Variants in DCDC2 observed in about 807,000 individuals in gnomAD.
DCDC2 encodes the protein doublecortin domain containing 2, also known as doublecortin domain-containing protein 2.
A neutral mutation model predicts 50.2 loss-of-function variants in DCDC2; 40 were observed. That is an observed-to-expected ratio of 0.80 (90% CI 0.62 to 1.04). The LOEUF is 1.04. DCDC2 is among the 50% of genes least tolerant of loss of function. DCDC2 has a pLI of 0.00. For missense variants in DCDC2, 570 were observed against 581.9 expected (o/e 0.98, Z 0.21); for synonymous variants, 234 against 210.6 (o/e 1.11, Z -0.96).
intron 2 of DCDC2, among the ~76,000 whole-genome samples, chr6:24,307,961 G>T (rs1759503547): frequency 6.6e-6 from 1 of 152,114 alleles, no homozygotes; most frequent in Non-Finnish European, 1.5e-5. Flanking sequence ...CTTTCTAAGG[G>T]AGAAGAAATC....
chr6:24,244,249 C>T (rs549883308), intron 7 of DCDC2, among the ~76,000 whole-genome samples: 301 of 152,248 alleles, frequency 2.0e-3, no homozygotes, highest in African/African-American at 6.9e-3. Context: ...AGTGACCTTC[C>T]GGGTTTGCTT....
intron 7 of DCDC2, among the ~76,000 whole-genome samples, chr6:24,277,331 T>A (rs1763382480): frequency 6.6e-6 from 1 of 152,084 alleles, no homozygotes; most frequent in Non-Finnish European, 1.5e-5. Flanking sequence ...ATTCCACTGG[T>A]CTGCTTCCCA....
intron 6 of DCDC2, among the ~76,000 whole-genome samples, chr6:24,282,812 C>A (rs990561766): frequency 1.3e-5 from 2 of 152,122 alleles, no homozygotes; most frequent in Non-Finnish European, 2.9e-5. Flanking sequence ...CCTGACATTT[C>A]TCTCATCTGC....
At chr6:24,343,141 G>A (rs1261904729) in intron 2 of DCDC2, among the ~76,000 whole-genome samples, 7 of 149,544 alleles carry the variant, frequency 4.7e-5, no homozygotes, top group East Asian at 4.0e-4. Flanking sequence ...TCCGTCTCCC[G>A]GGTTCACACC....
At chr6:24,374,578 A>AAAAG in the DCDC2 span, among the ~76,000 whole-genome samples, 1 of 8,012 alleles carries the variant, frequency 1.2e-4, no homozygotes, top group Non-Finnish European at 4.4e-4. Context: ...GACTCCATCC[A>AAAAG]AAAAAAAAAA....
chr6:24,258,264 C>T (rs1026900138), intron 7 of DCDC2, among the ~76,000 whole-genome samples: 57 of 152,168 alleles, frequency 3.7e-4, no homozygotes, highest in African/African-American at 1.2e-3. Context: ...GTTGCTGCTG[C>T]TGGCTGGGGG....
chr6:24,205,129 T>A (rs761938638), intron 7 of DCDC2, 27 bp from the exon 8 acceptor site: 1 of 1,614,112 alleles, frequency 6.2e-7, no homozygotes, highest in Non-Finnish European at 8.5e-7. Flanking sequence ...ACAGTGAAAA[T>A]CAAAATCCAA....
upstream of DCDC2, among the ~76,000 whole-genome samples, chr6:24,359,190 T>G (rs1390330957): frequency 4.0e-5 from 3 of 74,886 alleles, no homozygotes; most frequent in Non-Finnish European, 6.6e-5. Context: ...TTATATATTT[T>G]ATATATTATA....
intron 2 of DCDC2, among the ~76,000 whole-genome samples, chr6:24,326,615 G>A (rs2113855400): frequency 6.7e-6 from 1 of 149,152 alleles, no homozygotes; most frequent in Middle Eastern, 3.4e-3. Flanking sequence ...CCAGCACTTT[G>A]GGAGGCCGAG....
the DCDC2 span, among the ~76,000 whole-genome samples, chr6:24,374,298 T>C: frequency 2.5e-4 from 38 of 151,472 alleles, no homozygotes; most frequent in African/African-American, 9.2e-4. Context: ...CCAGGAGAGG[T>C]GGCTCACACC....
At chr6:24,180,348 G>C (rs139944952) in intron 8 of DCDC2, among the ~76,000 whole-genome samples, 3 of 151,844 alleles carry the variant, frequency 2.0e-5, no homozygotes, top group African/African-American at 7.3e-5. Flanking sequence ...GCAGTGGTGC[G>C]ATCTCTGCTC....
intron 7 of DCDC2, among the ~76,000 whole-genome samples, chr6:24,238,308 T>G (rs1561902308): frequency 1.3e-5 from 2 of 150,016 alleles, no homozygotes; most frequent in Non-Finnish European, 3.0e-5. Context: ...CACATTACTA[T>G]TATTTTTTGA....
chr6:24,368,886 G>A, the DCDC2 span, among the ~76,000 whole-genome samples: 1 of 152,152 alleles, frequency 6.6e-6, no homozygotes, highest in South Asian at 2.1e-4. Context: ...GTAATCCCAA[G>A]ATTTTGGGAG....
chr6:24,378,632 C>T, the DCDC2 span, among the ~76,000 whole-genome samples: 1 of 152,092 alleles, frequency 6.6e-6, no homozygotes, highest in Non-Finnish European at 1.5e-5. Context: ...GTGTACAAAT[C>T]CTTGCCTCAA....
chr6:24,256,218 C>T (rs1403803213), intron 7 of DCDC2, among the ~76,000 whole-genome samples: 1 of 150,360 alleles, frequency 6.7e-6, no homozygotes, highest in Non-Finnish European at 1.5e-5. Flanking sequence ...AGGTTTTCTT[C>T]CTGGGGTGAT....
intron 7 of DCDC2, among the ~76,000 whole-genome samples, chr6:24,239,426 C>T (rs79581445): frequency 0.013 from 1,914 of 152,224 alleles, 37 homozygotes; most frequent in East Asian, 0.076. Context: ...ATATCTGATT[C>T]ACTCTGTGAT....
At chr6:24,321,111 T>G (rs1265239825) in intron 2 of DCDC2, among the ~76,000 whole-genome samples, 1 of 152,046 alleles carries the variant, frequency 6.6e-6, no homozygotes, top group African/African-American at 2.4e-5. Context: ...GAATCCATAC[T>G]GATGCAAATA....
intron 2 of DCDC2, among the ~76,000 whole-genome samples, chr6:24,321,507 T>A (rs1451584651): frequency 6.6e-6 from 1 of 152,182 alleles, no homozygotes; most frequent in Non-Finnish European, 1.5e-5. Context: ...ATAAGAGGTT[T>A]AATTCTAAAA....
chr6:24,321,059 G>A (rs374114981), intron 2 of DCDC2, among the ~76,000 whole-genome samples: 116 of 150,676 alleles, frequency 7.7e-4, no homozygotes, highest in African/African-American at 2.7e-3. Flanking sequence ...GCAACAAAAC[G>A]AATGATATTA....
Sources: gnomAD v4.1 joint callset for allele counts (sites outside exome capture counted in the v4.1 genomes callset) on GRCh38, gnomAD v4.1.1 for gene constraint, MANE v1.5 for transcripts, NCBI Gene and HGNC (gene_info 2026-07-23, HGNC 2026-07-21) for gene names.